Variants in PTN observed in about 807,000 individuals in gnomAD.
PTN encodes heparin affin regulatory protein.
In PTN, 18 loss-of-function variants were observed where a neutral mutation model predicts 24.1. That is an observed-to-expected ratio of 0.75 (90% CI 0.52 to 1.11). The LOEUF is 1.11. Ranked by LOEUF, PTN falls within the 50% of genes least tolerant of loss-of-function variation. PTN has a pLI of 0.00. For missense variants in PTN, 163 were observed against 198.8 expected (o/e 0.82, Z 1.08); for synonymous variants, 78 against 68.6 (o/e 1.14, Z -0.67).
chr7:137,274,840 A>G (rs1363626701), intron 1 of PTN, among the ~76,000 whole-genome samples: 1 of 152,244 alleles, frequency 6.6e-6, no homozygotes, highest in Non-Finnish European at 1.5e-5. Flanking sequence ...ATGACAGAAA[A>G]TCGTAAGGCA....
chr7:137,342,146 C>T (rs1810544248), intron 1 of PTN, among the ~76,000 whole-genome samples: 1 of 152,072 alleles, frequency 6.6e-6, no homozygotes, highest in Non-Finnish European at 1.5e-5. Flanking sequence ...AATGCATTCC[C>T]GGATAATTAA....
intron 1 of PTN, among the ~76,000 whole-genome samples, chr7:137,293,481 A>ACTCC (rs1809672783): frequency 6.6e-6 from 1 of 152,132 alleles, no homozygotes; most frequent in Non-Finnish European, 1.5e-5. Flanking sequence ...AAATGCTAGT[A>ACTCC]ATTAGAGTGG....
intron 4 of PTN, among the ~76,000 whole-genome samples, chr7:137,240,373 T>A (rs1248390982): frequency 6.6e-6 from 1 of 151,978 alleles, no homozygotes; most frequent in African/African-American, 2.4e-5. Context: ...ACTCTCCACT[T>A]CTCTGTCTCA....
chr7:137,256,387 A>G (rs892978048), intron 1 of PTN, among the ~76,000 whole-genome samples: 5 of 151,028 alleles, frequency 3.3e-5, no homozygotes, highest in African/African-American at 1.2e-4. Flanking sequence ...TCAATGTTCA[A>G]CTCCCAGTTA....
At chr7:137,240,009 A>G (rs1808600127) in intron 4 of PTN, among the ~76,000 whole-genome samples, 1 of 152,086 alleles carries the variant, frequency 6.6e-6, no homozygotes, top group African/African-American at 2.4e-5. Context: ...TTTCGTTTAG[A>G]ACACCAGTAT....
rs553489893 is a variant in PTN at position 137,227,467 on chromosome 7, T to C, written c.*553A>G. 3 of 145,164 alleles carry C rather than the reference T, an allele frequency of 2.1e-5. No individual in the cohort carries two copies. In the South Asian group the frequency reaches 6.5e-4, roughly 32 times the overall value. The allele number at this position is 145,164 out of a possible 1,614,324, so 9.0% of individuals were successfully genotyped here. On this transcript the variant is annotated 3_prime_UTR_variant, in exon 5 of 5. Coordinates refer to ENST00000348225, the MANE Select transcript of PTN (RefSeq NM_002825.7). ...AATTTTATGTCTTAATGCTTTTCTT[T>C]AAAAAAAAAAAAAGTCAACATTGAA...
At chr7:137,293,532 A>G (rs1184465412) in intron 1 of PTN, among the ~76,000 whole-genome samples, 4 of 152,142 alleles carry the variant, frequency 2.6e-5, no homozygotes, top group East Asian at 1.9e-4. Flanking sequence ...GAAATATTTT[A>G]TCTTGGAATG....
At chr7:137,254,254 A>G (rs1808878339) in intron 2 of PTN, among the ~76,000 whole-genome samples, 1 of 151,002 alleles carries the variant, frequency 6.6e-6, no homozygotes, top group Non-Finnish European at 1.5e-5. Context: ...TTGAGATCGC[A>G]CCACTGCACT....
At chr7:137,237,492 G>C (rs1423547870) in intron 4 of PTN, among the ~76,000 whole-genome samples, 1 of 152,182 alleles carries the variant, frequency 6.6e-6, no homozygotes, top group Non-Finnish European at 1.5e-5. Flanking sequence ...TTCACTAGCT[G>C]TAGAGGTGAA....
At chr7:137,329,029 T>C (rs1207615155) in intron 1 of PTN, among the ~76,000 whole-genome samples, 2 of 152,058 alleles carry the variant, frequency 1.3e-5, no homozygotes, top group Non-Finnish European at 2.9e-5. Flanking sequence ...TGGTTAGAAA[T>C]ATTTGGACTA....
At chr7:137,342,526 C>CGT (rs1810550773) in intron 1 of PTN, among the ~76,000 whole-genome samples, 3 of 66,398 alleles carry the variant, frequency 4.5e-5, no homozygotes, top group African/African-American at 1.1e-4. Context: ...TGTGTGTGTT[C>CGT]CTGTGTGTGT....
rs770540688 is a variant in PTN, at chr7:137,343,482, T to G, written c.-45A>C. 3.9e-5 allele frequency: 20 copies of G among 518,628 alleles called. 1 individual carries two copies. Among genetic ancestry groups the G allele is most frequent in the Admixed American group, 3.3e-4 (17 of 51,548 alleles). The allele number at this position is 518,628 out of a possible 1,614,324, so 32.1% of individuals were successfully genotyped here. On this transcript the variant is annotated 5_prime_UTR_variant, in exon 1 of 5. Coordinates refer to ENST00000348225, the MANE Select transcript of PTN (RefSeq NM_002825.7). ...TCTCTGGCGCTCAGTCTGCCTTTGT[T>G]GCAAGGGGCGAGGTTGCTACCGCTG...
At chr7:137,253,245 C>A (rs967189661) in intron 3 of PTN, among the ~76,000 whole-genome samples, 1 of 152,064 alleles carries the variant, frequency 6.6e-6, no homozygotes, top group Admixed American at 6.6e-5. Context: ...CGGAAACTAG[C>A]GAGTAGAAGC....
chr7:137,315,673 C>A (rs990097744), intron 1 of PTN, among the ~76,000 whole-genome samples: 1 of 152,206 alleles, frequency 6.6e-6, no homozygotes, highest in Admixed American at 6.5e-5. Flanking sequence ...ACACCCCTTA[C>A]TGACAGCCTG....
chr7:137,278,158 T>A (rs1373984428), intron 1 of PTN, among the ~76,000 whole-genome samples: 2 of 150,142 alleles, frequency 1.3e-5, no homozygotes, highest in Non-Finnish European at 3.0e-5. Context: ...ATACAAAAAA[T>A]TAGCCGGGCG....
At chr7:137,247,925 TTTAGAG>T (rs1808752257) in intron 4 of PTN, among the ~76,000 whole-genome samples, 1 of 152,166 alleles carries the variant, frequency 6.6e-6, no homozygotes. Flanking sequence ...ATGACATGAA[TTTAGAG>T]TTAGACAAAT....
chr7:137,273,630 G>A (rs1809312073), intron 1 of PTN, among the ~76,000 whole-genome samples: 1 of 152,178 alleles, frequency 6.6e-6, no homozygotes, highest in Middle Eastern at 3.2e-3. Flanking sequence ...TGACAAATGT[G>A]TAGAGTCTAG....
intron 1 of PTN, among the ~76,000 whole-genome samples, chr7:137,262,930 C>A (rs750397592): frequency 2.0e-5 from 3 of 152,108 alleles, no homozygotes; most frequent in Non-Finnish European, 4.4e-5. Context: ...GGGCTACCTG[C>A]CTTTTGTTTC....
rs1808360903 is a variant in PTN, at chr7:137,227,896, T to C, written c.*124A>G. 1 of 1,347,290 alleles carries C rather than the reference T, an allele frequency of 7.4e-7. No individual in the cohort carries two copies. Among genetic ancestry groups the C allele is most frequent in the South Asian group, 1.8e-5 (1 of 57,076 alleles). 83.5% of individuals were successfully genotyped at this position (1,347,290 alleles called of 1,614,324 possible). A position where few individuals can be genotyped will look rare whatever the true frequency, so the allele number is the denominator to read the frequency against. Reference sequence around the variant, plus strand: ...CTACAAAAATTTTCTTTTCTTTTTGTTTTTGCTTATTGTGTACTTAGCTAT... The same window carrying C: ...CTACAAAAATTTTCTTTTCTTTTTGCTTTTGCTTATTGTGTACTTAGCTAT... On this transcript the variant is annotated 3_prime_UTR_variant, in exon 5 of 5. Coordinates refer to ENST00000348225, the MANE Select transcript of PTN (RefSeq NM_002825.7).
Sources: allele counts gnomAD v4.1 joint callset (sites outside exome capture counted in the v4.1 genomes callset), GRCh38; gene constraint gnomAD v4.1.1; transcripts MANE v1.5; gene names NCBI Gene and HGNC (gene_info 2026-07-23, HGNC 2026-07-21).